TAFA5: variants seen among roughly 807,000 people sequenced by gnomAD.
TAFA5 encodes the protein chemokine-like protein TAFA-5.
A neutral mutation model predicts 15.3 loss-of-function variants in TAFA5; 6 were observed. The observed-to-expected ratio is 0.39, with a 90% CI of 0.21 to 0.77. The LOEUF (loss-of-function observed/expected upper bound fraction) is 0.77. Ranked by LOEUF, TAFA5 falls within the 30% of genes least tolerant of loss-of-function variation. TAFA5 has a pLI of 0.41. For missense variants in TAFA5, 161 were observed against 193.1 expected (o/e 0.83, Z 0.98); for synonymous variants, 103 against 80.7 (o/e 1.28, Z -1.48).
chr22:48,692,306 C>T (rs1162497999), intron 2 of TAFA5, among the ~76,000 whole-genome samples: 1 of 152,194 alleles, frequency 6.6e-6, no homozygotes, highest in Non-Finnish European at 1.5e-5. Flanking sequence ...CAGCCCTGGG[C>T]CCCTCCCTCC....
chr22:48,704,606 C>T (rs1250776677), intron 2 of TAFA5, among the ~76,000 whole-genome samples: 3 of 151,830 alleles, frequency 2.0e-5, no homozygotes, highest in South Asian at 2.1e-4. Flanking sequence ...TTCCTGGAGT[C>T]GCCCTGGGAA....
chr22:48,679,758 C>G (rs199492427), intron 2 of TAFA5, among the ~76,000 whole-genome samples: 2 of 139,886 alleles, frequency 1.4e-5, no homozygotes, highest in Non-Finnish European at 3.1e-5. Flanking sequence ...CCCAGCTCCC[C>G]GTCCATCCCT....
At chr22:48,637,377 G>A (rs1055045888) in intron 1 of TAFA5, among the ~76,000 whole-genome samples, 4 of 152,130 alleles carry the variant, frequency 2.6e-5, no homozygotes, top group East Asian at 1.9e-4. Context: ...TCTCCGCCCC[G>A]GAGCTCTGAT....
chr22:48,569,056 G>C (rs965171329), intron 1 of TAFA5, among the ~76,000 whole-genome samples: 4 of 152,206 alleles, frequency 2.6e-5, no homozygotes, highest in African/African-American at 9.6e-5. Flanking sequence ...GAGCAGACTG[G>C]TTCAGGCGAA....
At chr22:48,718,287 C>T (rs1569092620) in intron 3 of TAFA5, among the ~76,000 whole-genome samples, 1 of 152,142 alleles carries the variant, frequency 6.6e-6, no homozygotes, top group Non-Finnish European at 1.5e-5. Flanking sequence ...CATTAGTCAG[C>T]AAAGGCCGGG....
chr22:48,568,927 C>T (rs930921273), intron 1 of TAFA5, among the ~76,000 whole-genome samples: 7 of 152,128 alleles, frequency 4.6e-5, no homozygotes, highest in Non-Finnish European at 8.8e-5. Flanking sequence ...TTTGTGCTCA[C>T]GGCCAGGGAT....
At chr22:48,713,119 G>C (rs1295568946) in intron 3 of TAFA5, among the ~76,000 whole-genome samples, 2 of 152,220 alleles carry the variant, frequency 1.3e-5, no homozygotes, top group African/African-American at 4.8e-5. Context: ...ATTCGCTATT[G>C]AGTACCACCT....
intron 3 of TAFA5, among the ~76,000 whole-genome samples, chr22:48,710,650 G>A (rs561770346): frequency 1.3e-5 from 2 of 152,340 alleles, no homozygotes; most frequent in African/African-American, 4.8e-5. Context: ...AGCCCACAGG[G>A]CCCACCACGG....
At chr22:48,602,426 AC>A (rs1925007755) in intron 1 of TAFA5, among the ~76,000 whole-genome samples, 1 of 151,978 alleles carries the variant, frequency 6.6e-6, no homozygotes, top group Non-Finnish European at 1.5e-5. Flanking sequence ...TGGTGGGGTG[AC>A]CCCGAGGACC....
chr22:48,506,372 A>G (rs2147098639), intron 1 of TAFA5, among the ~76,000 whole-genome samples: 1 of 152,298 alleles, frequency 6.6e-6, no homozygotes, highest in Admixed American at 6.5e-5. Flanking sequence ...CACCTCCAGA[A>G]TCCTTTCCGA....
At chr22:48,665,099 G>A (rs184074540) in intron 2 of TAFA5, among the ~76,000 whole-genome samples, 1 of 152,288 alleles carries the variant, frequency 6.6e-6, no homozygotes, top group East Asian at 1.9e-4. Context: ...TGGTCAGTGT[G>A]TTTAATTTCA....
chr22:48,542,228 T>C (rs1922418506), intron 1 of TAFA5, among the ~76,000 whole-genome samples: 1 of 144,270 alleles, frequency 6.9e-6, no homozygotes, highest in Non-Finnish European at 1.5e-5. Context: ...GTGGTGTGTG[T>C]GCTGTGTGTG....
intron 3 of TAFA5, among the ~76,000 whole-genome samples, chr22:48,717,527 G>GA (rs887113856): frequency 6.6e-6 from 1 of 152,210 alleles, no homozygotes; most frequent in Non-Finnish European, 1.5e-5. Context: ...TTCAGGGAGG[G>GA]AAAAAACGAA....
At chr22:48,492,192 T>C (rs987230663) in intron 1 of TAFA5, among the ~76,000 whole-genome samples, 5 of 152,160 alleles carry the variant, frequency 3.3e-5, no homozygotes, top group Admixed American at 2.0e-4. Flanking sequence ...CCTAGGATTT[T>C]CATTCTTTCT....
rs116582826 is a variant in TAFA5 at position 48,568,508 on chromosome 22, C to T, written c.113-78089C>T. On this transcript the variant is annotated intron_variant, in intron 1 of 3. Coordinates refer to ENST00000402357, the MANE Select transcript of TAFA5 (RefSeq NM_001082967.3). ...TGGCTGGGACATCTCTCGGAGATCC[C>T]CACAACAGTGTGTCCCAGAGGTCTC... Among the ~76,000 whole-genome samples, 338 of 152,180 alleles carry T rather than the reference C, an allele frequency of 2.2e-3. 2 individuals carry two copies. The highest frequency in any genetic ancestry group is 7.8e-3 in the African/African-American group (322 of 41,496).
rs1221022061 is a variant in TAFA5, at chr22:48,566,948, A to T, written c.112+77244A>T. 6.6e-6 allele frequency among the ~76,000 whole-genome samples: 1 copy of T among 152,196 alleles called. No homozygotes were observed. Among genetic ancestry groups the T allele is most frequent in the Non-Finnish European group, 1.5e-5 (1 of 68,036 alleles). ...TGTCCTTTCTCCTTTGCTCCGCAGC[A>T]CTGCTGCCTGCGGACTGGCCGCACT... On this transcript the variant is annotated intron_variant, in intron 1 of 3. Transcript: ENST00000402357. The surrounding 1 kb of genome is among the most constrained non-coding windows in gnomAD (Gnocchi z 4.5).
intron 1 of TAFA5, among the ~76,000 whole-genome samples, chr22:48,493,428 G>A (rs987571104): frequency 3.9e-5 from 6 of 152,212 alleles, no homozygotes; most frequent in African/African-American, 1.4e-4. Context: ...CTAACTGAGC[G>A]TAGGCACTGT....
chr22:48,635,799 C>T (rs1464807504), intron 1 of TAFA5, among the ~76,000 whole-genome samples: 1 of 152,122 alleles, frequency 6.6e-6, no homozygotes, highest in Middle Eastern at 3.2e-3. Context: ...AGCTGAACCA[C>T]AGACGCTCTG....
rs944489726 is a variant in TAFA5, at chr22:48,750,254, G to T, written c.*407G>T. 3.7e-6 allele frequency: 1 copy of T among 272,630 alleles called. No homozygotes were observed. Among genetic ancestry groups the T allele is most frequent in the Non-Finnish European group, 7.0e-6 (1 of 143,210 alleles). The allele number at this position is 272,630 out of a possible 1,614,324, so 16.9% of individuals were successfully genotyped here. ...CCCCAGGGGACTGTCAGGCACAGAA[G>T]CGGCCTCCTCCCGTGCCCCAGACTG... On this transcript the variant is annotated 3_prime_UTR_variant, in exon 4 of 4. Transcript: ENST00000402357.
Sources: gnomAD v4.1 joint callset for allele counts (sites outside exome capture counted in the v4.1 genomes callset) on GRCh38, gnomAD v4.1.1 for gene constraint, Gnocchi (gnomAD v3.1) non-coding constraint, MANE v1.5 for transcripts, NCBI Gene and HGNC (gene_info 2026-07-23, HGNC 2026-07-21) for gene names.